The following CCBE1 variants were observed in gnomAD, a reference collection of about 807,000 sequenced individuals.
CCBE1 encodes collagen and calcium-binding EGF domain-containing protein 1.
A neutral mutation model predicts 50.0 loss-of-function variants in CCBE1; 37 were observed. That is an observed-to-expected ratio of 0.74 (90% CI 0.57 to 0.97). The LOEUF is 0.97. Ranked by LOEUF, CCBE1 falls within the 50% of genes least tolerant of loss-of-function variation. The pLI is 0.00. For synonymous variants in CCBE1, 234 were observed against 203.7 expected (o/e 1.15, Z -1.27); for missense variants, 538 against 523.8 (o/e 1.03, Z -0.26).
intron 2 of CCBE1, among the ~76,000 whole-genome samples, chr18:59,534,245 G>T (rs1044856049): frequency 6.6e-6 from 1 of 152,034 alleles, no homozygotes; most frequent in Non-Finnish European, 1.5e-5. Context: ...CTATAACTTC[G>T]GTATCATGTA....
intron 2 of CCBE1, among the ~76,000 whole-genome samples, chr18:59,680,893 C>G (rs2054580932): frequency 6.6e-6 from 1 of 151,942 alleles, no homozygotes; most frequent in Non-Finnish European, 1.5e-5. Context: ...AACTTCAAAC[C>G]AGCGGCCTGT....
At chr18:59,454,711 A>C (rs113019671) in intron 6 of CCBE1, 140 bp downstream of exon 6, 17 of 777,192 alleles carry the variant, frequency 2.2e-5, no homozygotes, top group African/African-American at 1.4e-4. Context: ...AAAACATCCC[A>C]AGTCCATGCA....
chr18:59,533,741 A>G (rs886987750), intron 2 of CCBE1, among the ~76,000 whole-genome samples: 22 of 152,216 alleles, frequency 1.4e-4, no homozygotes, highest in Admixed American at 7.2e-4. Context: ...TTAATTCACA[A>G]TTGTTATTTT....
intron 2 of CCBE1, among the ~76,000 whole-genome samples, chr18:59,664,032 G>A (rs975523713): frequency 1.3e-5 from 2 of 152,202 alleles, no homozygotes; most frequent in Non-Finnish European, 2.9e-5. Context: ...ATAAGGAACA[G>A]AAGTTGATTT....
intron 7 of CCBE1, among the ~76,000 whole-genome samples, chr18:59,443,118 G>A (rs1036301129): frequency 1.3e-5 from 2 of 152,112 alleles, no homozygotes; most frequent in African/African-American, 4.8e-5. Context: ...GCCAGAATAC[G>A]GCATACCACC....
intron 2 of CCBE1, among the ~76,000 whole-genome samples, chr18:59,561,248 A>C (rs967549861): frequency 6.6e-6 from 1 of 152,224 alleles, no homozygotes; most frequent in African/African-American, 2.4e-5. Context: ...GTTATGTATC[A>C]GGCCTGCATG....
chr18:59,496,259 G>A (rs1913350518), intron 2 of CCBE1, among the ~76,000 whole-genome samples: 1 of 152,136 alleles, frequency 6.6e-6, no homozygotes, highest in South Asian at 2.1e-4. Flanking sequence ...AATTGACCAT[G>A]AACACCTAGA....
intron 2 of CCBE1, among the ~76,000 whole-genome samples, chr18:59,683,854 T>C (rs2054623350): frequency 6.6e-6 from 1 of 151,822 alleles, no homozygotes; most frequent in South Asian, 2.1e-4. Flanking sequence ...TCCCAGTCAG[T>C]ACACATGAGC....
chr18:59,493,536 T>C (rs1913208279), intron 2 of CCBE1, among the ~76,000 whole-genome samples: 1 of 134,112 alleles, frequency 7.5e-6, no homozygotes, highest in Non-Finnish European at 1.6e-5. Flanking sequence ...TATTTAATTC[T>C]CATAAAAACT....
intron 2 of CCBE1, among the ~76,000 whole-genome samples, chr18:59,524,018 A>C (rs908079592): frequency 3.3e-5 from 5 of 152,240 alleles, no homozygotes; most frequent in African/African-American, 1.2e-4. Context: ...TTATGGCTAC[A>C]AACTTTTAAA....
At chr18:59,542,819 C>T (rs989730422) in intron 2 of CCBE1, among the ~76,000 whole-genome samples, 3 of 152,124 alleles carry the variant, frequency 2.0e-5, no homozygotes, top group African/African-American at 7.2e-5. Flanking sequence ...TGCAGAAGTG[C>T]CTCATAGAGC....
At chr18:59,666,220 T>C (rs1460832267) in intron 2 of CCBE1, 1 of 152,322 alleles carries the variant, frequency 6.6e-6, no homozygotes, top group Middle Eastern at 3.4e-3. Context: ...GTGAGACTTA[T>C]TCATTATCAT....
At chr18:59,538,820 G>A (rs1915352276) in intron 2 of CCBE1, among the ~76,000 whole-genome samples, 2 of 152,138 alleles carry the variant, frequency 1.3e-5, no homozygotes, top group South Asian at 2.1e-4. Context: ...CCCATTGGAG[G>A]GTAGGGACTT....
intron 7 of CCBE1, among the ~76,000 whole-genome samples, chr18:59,446,222 T>C (rs754329359): frequency 6.6e-6 from 1 of 152,192 alleles, no homozygotes; most frequent in Admixed American, 6.5e-5. Context: ...GATGGCAGCA[T>C]TGGAGAAGAA....
intron 2 of CCBE1, among the ~76,000 whole-genome samples, chr18:59,662,316 A>G (rs564883544): frequency 3.3e-5 from 5 of 152,342 alleles, no homozygotes; most frequent in African/African-American, 1.2e-4. Flanking sequence ...TTGAATGACC[A>G]TGAAAGTTCT....
At chr18:59,480,367 G>A (rs1204289394) in intron 2 of CCBE1, 129 bp from the exon 3 acceptor site, 15 of 630,382 alleles carry the variant, frequency 2.4e-5, no homozygotes, top group Non-Finnish European at 3.9e-5. Flanking sequence ...TAGGGGTGAA[G>A]TATTTTTAAG....
intron 2 of CCBE1, among the ~76,000 whole-genome samples, chr18:59,518,487 T>C (rs971672757): frequency 6.6e-6 from 1 of 152,182 alleles, no homozygotes. Flanking sequence ...TCTAAATCAA[T>C]TGTTTGTTAA....
chr18:59,475,833 C>T (rs1912280557), intron 3 of CCBE1, among the ~76,000 whole-genome samples: 3 of 152,196 alleles, frequency 2.0e-5, no homozygotes, highest in Non-Finnish European at 4.4e-5. Flanking sequence ...TTCTCCCTGC[C>T]TCAGCCTCTG....
chr18:59,450,871 G>A (rs1459882929), intron 6 of CCBE1, among the ~76,000 whole-genome samples: 1 of 152,166 alleles, frequency 6.6e-6, no homozygotes, highest in Non-Finnish European at 1.5e-5. Context: ...ATAATCCTGG[G>A]AAGACCCATT....
Sources: allele counts gnomAD v4.1 joint callset (sites outside exome capture counted in the v4.1 genomes callset), GRCh38; gene constraint gnomAD v4.1.1; transcripts MANE v1.5; gene names NCBI Gene and HGNC (gene_info 2026-07-23, HGNC 2026-07-21).